Variants in CAPN5 observed in about 807,000 individuals in gnomAD.
The protein encoded by CAPN5 is calpain 5.
Under a neutral mutation model 73.0 loss-of-function variants are expected in CAPN5, and 54 were observed. The ratio of observed to expected loss-of-function variants is 0.74; its 90% CI spans 0.59 to 0.93. CAPN5 has a LOEUF of 0.93. CAPN5 is among the 40% of genes least tolerant of loss of function. The probability of loss-of-function intolerance (pLI) is 0.00; values close to 1 mark genes in which losing one functional copy is unlikely to be tolerated. For missense variants in CAPN5, 785 were observed against 882.9 expected, an observed-to-expected ratio of 0.89 and a Z score of 1.41; for synonymous variants, 335 against 356.9, an observed-to-expected ratio of 0.94 and a Z score of 0.69.
chr11:77,079,040 G>A (rs1320014465), intron 1 of CAPN5, among the ~76,000 whole-genome samples: 3 of 151,922 alleles, frequency 2.0e-5, no homozygotes, highest in Admixed American at 6.6e-5. Flanking sequence ...TGTTAGTATC[G>A]TGTATCACAT....
chr11:77,109,181 T>G (rs1950385345), intron 3 of CAPN5, among the ~76,000 whole-genome samples: 1 of 152,246 alleles, frequency 6.6e-6, no homozygotes, highest in Non-Finnish European at 1.5e-5. Flanking sequence ...TTTGTGATGT[T>G]AGAAACCATC....
At position 77,122,625 on chromosome 11, in the gene CAPN5, G is replaced by T. The variant is rs144226060; in HGVS notation, c.1653G>T (p.Ser551=). 2 of 1,612,028 alleles carry T rather than the reference G, an allele frequency of 1.2e-6. No homozygotes were observed. Among genetic ancestry groups the T allele is most frequent in the Non-Finnish European group, 1.7e-6 (2 of 1,179,112 alleles). The part of the protein sequence containing the change: ...IIKCEGDKVR[S]AVQKGTSTPE... Reference sequence around the variant, plus strand: ...AGTGTGAGGGAGACAAAGTCCGCTCGGCTGTGCAGAAGGGCACCTCCACAC... The same window carrying T: ...AGTGTGAGGGAGACAAAGTCCGCTCTGCTGTGCAGAAGGGCACCTCCACAC... The change falls in exon 12 of 13, where the codon TCG becomes TCT. Residue 551 remains serine (S), a synonymous_variant. Transcript: ENST00000648180.
chr11:77,078,423 G>A (rs924961882), intron 1 of CAPN5, among the ~76,000 whole-genome samples: 1 of 152,146 alleles, frequency 6.6e-6, no homozygotes, highest in Admixed American at 6.5e-5. Flanking sequence ...ATTGGTCTTT[G>A]TGTCTGTTTT....
At position 77,084,857 on chromosome 11, in the gene CAPN5, C is replaced by G. The variant is rs781933210; in HGVS notation, c.-30C>G. ...CTTCTTGCCTTCCTGTCCAGGTGTT[C>G]CCCCTCCCCTCCCTGGGGCAGCAGC... On this transcript the variant is annotated 5_prime_UTR_variant, in exon 2 of 13. Transcript: ENST00000648180. 6.8e-6 allele frequency: 11 copies of G among 1,613,404 alleles called. No individual in the cohort carries two copies. The South Asian group carries it at 9.9e-5, about 14-fold the overall frequency.
At chr11:77,106,233 A>C (rs559342906) in intron 3 of CAPN5, among the ~76,000 whole-genome samples, 10 of 151,444 alleles carry the variant, frequency 6.6e-5, no homozygotes, top group African/African-American at 2.2e-4. Context: ...CCCTCACAGC[A>C]TGCGCAGAAC....
intron 3 of CAPN5, among the ~76,000 whole-genome samples, chr11:77,110,122 T>C (rs1228436990): frequency 6.6e-6 from 1 of 151,990 alleles, no homozygotes; most frequent in Non-Finnish European, 1.5e-5. Flanking sequence ...CCGCTCTTTT[T>C]TTTTTTTTTG....
intron 2 of CAPN5, 81 bp downstream of exon 2, chr11:77,085,132 G>A (rs1950072139): frequency 1.6e-6 from 2 of 1,237,938 alleles, no homozygotes; most frequent in Non-Finnish European, 2.3e-6. Flanking sequence ...ACATCGGGGT[G>A]GTGGGAGGAG....
chr11:77,103,534 G>A (rs1444599516), intron 3 of CAPN5, among the ~76,000 whole-genome samples: 1 of 152,154 alleles, frequency 6.6e-6, no homozygotes, highest in Non-Finnish European at 1.5e-5. Flanking sequence ...AGATTCTGAG[G>A]CTCCATAGCC....
At chr11:77,114,140 GTTGT>G in intron 4 of CAPN5, 98 bp from the exon 5 acceptor site, 1 of 1,058,040 alleles carries the variant, frequency 9.5e-7, no homozygotes, top group South Asian at 1.4e-5. Context: ...ACTGTAACAG[GTTGT>G]TTGACCCCTC....
Position 77,104,902 on chromosome 11 carries a change from G to A in CAPN5, c.298-7687G>A, listed in dbSNP as rs998111776. On this transcript the variant is annotated intron_variant, in intron 3 of 12. Transcript: ENST00000648180. ...GTGTGCAGGCTGGAGCAGCATGCTG[G>A]AGCTGAGATTCTGTGGGTGAGAGAG... Among the ~76,000 whole-genome samples, 9 of 152,314 alleles carry A rather than the reference G, an allele frequency of 5.9e-5. No homozygotes were observed. The East Asian group carries it at 1.7e-3, about 29-fold the overall frequency.
At chr11:77,088,030 G>A (rs901022578) in intron 2 of CAPN5, 18 of 1,535,814 alleles carry the variant, frequency 1.2e-5, no homozygotes, top group Non-Finnish European at 1.1e-5. Flanking sequence ...AGCTCAGGGT[G>A]TCCGTCCTCC....
In CAPN5 at chr11:77,093,714, T is replaced by C; in HGVS notation, c.198T>C (p.Asp66=). 1 of 1,609,128 alleles carries C rather than the reference T, an allele frequency of 6.2e-7. No homozygotes were observed. The highest frequency in any genetic ancestry group is 1.7e-5 in the Admixed American group (1 of 59,694). ...GCGAGGACCCCCGCCTCTTTGTGGATGGCATCAGCTCCCACGACCTGCACC... is the reference window on the plus strand; with the variant it reads ...GCGAGGACCCCCGCCTCTTTGTGGACGGCATCAGCTCCCACGACCTGCACC... ...GICEDPRLFV[D]GISSHDLHQG... is the part of the protein sequence containing the mutation. Residue 66 remains aspartate, a synonymous_variant, in exon 3 of 13, where the codon GAT becomes GAC. Transcript: ENST00000648180.
Position 77,119,010 on chromosome 11 carries a change from C to CT in CAPN5, c.1168-19dup, listed in dbSNP as rs1565278905. On this transcript the variant is annotated intron_variant, in intron 8 of 12. Coordinates refer to ENST00000648180, the MANE Select transcript of CAPN5 (RefSeq NM_004055.5). ...TGGTCTCATTGCAGTGTCTCTCTCT[C>CT]TCCTTGGCCACACCTGCAGTACATC... 1.2e-6 allele frequency: 2 copies of CT among 1,602,510 alleles called. No individual in the cohort carries two copies. Among genetic ancestry groups the CT allele is most frequent in the Non-Finnish European group, 1.7e-6 (2 of 1,174,420 alleles).
At chr11:77,068,794 C>T (rs1555032575) in intron 1 of CAPN5, among the ~76,000 whole-genome samples, 1 of 151,914 alleles carries the variant, frequency 6.6e-6, no homozygotes, top group African/African-American at 2.4e-5. Flanking sequence ...TGCCCAGGGG[C>T]TAAGGGGCTA....
At chr11:77,095,942 T>C (rs940063892) in intron 3 of CAPN5, among the ~76,000 whole-genome samples, 6 of 152,014 alleles carry the variant, frequency 3.9e-5, no homozygotes, top group Non-Finnish European at 7.4e-5. Context: ...CCAGGGCGGG[T>C]CTGGGCGCTC....
intron 1 of CAPN5, among the ~76,000 whole-genome samples, chr11:77,078,276 G>A (rs972805676): frequency 4.6e-5 from 7 of 152,154 alleles, no homozygotes; most frequent in African/African-American, 1.2e-4. Context: ...ATTCTTCTGC[G>A]TGTGGATATC....
rs143234254 is a variant in CAPN5, at chr11:77,096,298, C to T, written c.297+2485C>T. Among the ~76,000 whole-genome samples the T allele has an allele frequency of 5.3e-5, 8 of 152,322 alleles. No homozygotes were observed. The East Asian group carries it at 9.7e-4, about 18-fold the overall frequency. On this transcript the variant is annotated intron_variant, in intron 3 of 12. Coordinates refer to ENST00000648180, the MANE Select transcript of CAPN5 (RefSeq NM_004055.5). Reference sequence around the variant, plus strand: ...AGCCACCCTTACCCCTCACAGGATTCGAAGCCAGCCTGACCTGGATTTGAT... The same window carrying T: ...AGCCACCCTTACCCCTCACAGGATTTGAAGCCAGCCTGACCTGGATTTGAT...
chr11:77,093,583 AGTCTGTGTCTGTCAC>A (rs3832735), intron 2 of CAPN5, 84 bp from the exon 3 acceptor site: 325,594 of 1,436,870 alleles, frequency 0.23, 36,653 homozygotes, highest in Middle Eastern at 0.25. Flanking sequence ...TCACACAGCA[AGTCTGTGTCTGTCAC>A]GTCTGTGTCT....
chr11:77,098,489 G>A (rs1591129086), intron 3 of CAPN5, among the ~76,000 whole-genome samples: 1 of 106,084 alleles, frequency 9.4e-6, no homozygotes, highest in East Asian at 4.1e-4. Context: ...CGGGGCGGCT[G>A]GCCAGGCGGA....
Sources: gnomAD v4.1 joint callset for allele counts (sites outside exome capture counted in the v4.1 genomes callset) on GRCh38, gnomAD v4.1.1 for gene constraint, MANE v1.5 for transcripts, NCBI Gene and HGNC (gene_info 2026-07-23, HGNC 2026-07-21) for gene names.